Variants in GATAD1 observed in about 807,000 individuals in gnomAD.
GATAD1 encodes GATA zinc finger domain-containing protein 1.
A neutral mutation model predicts 26.5 loss-of-function variants in GATAD1; 12 were observed. The observed-to-expected ratio is 0.45, with a 90% CI of 0.29 to 0.73. The LOEUF (loss-of-function observed/expected upper bound fraction) is 0.73. Among genes scored for constraint, GATAD1 ranks in the 30% least tolerant of loss-of-function variants. The pLI is 0.10. For missense variants in GATAD1, 266 were observed against 342.1 expected (o/e 0.78, Z 1.75); for synonymous variants, 129 against 133.1 (o/e 0.97, Z 0.21).
chr7:92,481,059 G>C, the GATAD1 span, among the ~76,000 whole-genome samples: 6 of 152,280 alleles, frequency 3.9e-5, no homozygotes, highest in Non-Finnish European at 8.8e-5. Context: ...GTAGTGGAGG[G>C]GGGCAGAGCA....
At chr7:92,449,673 C>CTT (rs768149346) in intron 2 of GATAD1, 1,184 of 730,816 alleles carry the variant, frequency 1.6e-3, no homozygotes, top group Middle Eastern at 4.2e-3. Context: ...AGACTATTTT[C>CTT]TTTTTTTTTT....
At chr7:92,489,352 A>C in the GATAD1 span, 1 of 1,613,028 alleles carries the variant, frequency 6.2e-7, no homozygotes, top group East Asian at 2.2e-5. Context: ...GACCAAGTGC[A>C]GTCATTAAAT....
the GATAD1 span, among the ~76,000 whole-genome samples, chr7:92,482,747 A>G: frequency 7.2e-5 from 11 of 152,096 alleles, no homozygotes; most frequent in African/African-American, 2.4e-4. Flanking sequence ...AATTTGGTTA[A>G]AATGTCTCGG....
At position 92,454,578 on chromosome 7, in the gene GATAD1, G is replaced by A. The variant is rs540654499; in HGVS notation, c.512G>A (p.Arg171Lys). ...QDGKPYYAQI[R>K]GFIQDQYCEK... ...GGAAAGCCCTACTATGCTCAAATCA[G>A]AGGTTTTATCCAGGACCAGTATTGC... The change falls in exon 4 of 5, where the codon AGA (arginine) becomes AAA (lysine). Residue 171 changes from arginine (R) to lysine (K), a missense_variant. Transcript: ENST00000287957. 27 of 1,613,328 alleles carry A rather than the reference G, an allele frequency of 1.7e-5. No homozygotes were observed. The African/African-American group carries it at 2.7e-4, about 16-fold the overall frequency.
Position 92,458,200 on chromosome 7 carries a change from C to T in GATAD1, c.*1638C>T, listed in dbSNP as rs1789768265. 1 of 152,128 alleles carries T rather than the reference C, an allele frequency of 6.6e-6. No individual in the cohort carries two copies. The highest frequency in any genetic ancestry group is 2.1e-4 in the South Asian group (1 of 4,822). 9.4% of individuals were successfully genotyped at this position (152,128 alleles called of 1,614,324 possible). A position where few individuals can be genotyped will look rare whatever the true frequency, so the allele number is the denominator to read the frequency against. On this transcript the variant is annotated 3_prime_UTR_variant, in exon 5 of 5. Transcript: ENST00000287957. ...GTAGAAACAGGCATTCAGAACCATT[C>T]CATTGATCTTAATAAAGCTGCTCTT...
the GATAD1 span, chr7:92,494,330 C>T: frequency 1.1e-5 from 18 of 1,613,712 alleles, no homozygotes; most frequent in Non-Finnish European, 1.4e-5. Context: ...TTTATCTAGT[C>T]GACCAGGCCT....
the GATAD1 span, among the ~76,000 whole-genome samples, chr7:92,467,115 C>T: frequency 2.0e-5 from 3 of 151,992 alleles, no homozygotes; most frequent in Admixed American, 6.6e-5. Context: ...GTCAGGAGTT[C>T]GAAACCAGCC....
At chr7:92,493,980 G>C in the GATAD1 span, 5 of 277,760 alleles carry the variant, frequency 1.8e-5, no homozygotes, top group East Asian at 4.5e-4. Context: ...TTTTTTTTTT[G>C]ACAGGATAAT....
At chr7:92,453,595 T>G (rs1007406978) in intron 3 of GATAD1, among the ~76,000 whole-genome samples, 7 of 152,210 alleles carry the variant, frequency 4.6e-5, no homozygotes, top group African/African-American at 1.7e-4. Flanking sequence ...GTCTAGGAGA[T>G]GTACAGTAGG....
chr7:92,454,475 T>C (rs1433540836), intron 3 of GATAD1, 27 bp from the exon 4 acceptor site: 2 of 1,538,384 alleles, frequency 1.3e-6, no homozygotes, highest in Non-Finnish European at 9.0e-7. Flanking sequence ...TTATTTTCAA[T>C]GTGGGATTAT....
chr7:92,480,179 G>A, the GATAD1 span, among the ~76,000 whole-genome samples: 9 of 152,292 alleles, frequency 5.9e-5, no homozygotes, highest in South Asian at 2.1e-4. Context: ...AGGCTGCTCC[G>A]TTATTGGACT....
chr7:92,485,226 G>A, the GATAD1 span, among the ~76,000 whole-genome samples: 3 of 152,304 alleles, frequency 2.0e-5, no homozygotes, highest in South Asian at 2.1e-4. Context: ...GGATGTATAC[G>A]TGCAGGTCAC....
the GATAD1 span, among the ~76,000 whole-genome samples, chr7:92,483,769 A>G: frequency 2.0e-5 from 3 of 152,206 alleles, no homozygotes; most frequent in African/African-American, 7.2e-5. Context: ...CACAGAACGA[A>G]ACTGTAAGCC....
intron 4 of GATAD1, among the ~76,000 whole-genome samples, 187 bp downstream of exon 4, chr7:92,454,872 G>C (rs887915211): frequency 1.3e-5 from 2 of 152,200 alleles, no homozygotes; most frequent in South Asian, 4.1e-4. Flanking sequence ...TGGCAACACG[G>C]ATTTCTGGGG....
the GATAD1 span, chr7:92,489,727 C>T: frequency 1.2e-4 from 188 of 1,613,724 alleles, no homozygotes; most frequent in Non-Finnish European, 1.5e-4. Context: ...ACTTTGGCTC[C>T]GGTATCTGCC....
chr7:92,465,346 A>G, the GATAD1 span, among the ~76,000 whole-genome samples: 1 of 152,228 alleles, frequency 6.6e-6, no homozygotes, highest in Non-Finnish European at 1.5e-5. Flanking sequence ...GGCTGGGTGC[A>G]GTGGCTCATG....
At chr7:92,476,557 CTGTT>C in the GATAD1 span, among the ~76,000 whole-genome samples, 3 of 152,278 alleles carry the variant, frequency 2.0e-5, no homozygotes, top group East Asian at 5.8e-4. Context: ...ATAGGGCACA[CTGTT>C]TTTTACTATT....
chr7:92,475,517 G>A, the GATAD1 span, among the ~76,000 whole-genome samples: 3 of 152,134 alleles, frequency 2.0e-5, no homozygotes, highest in Non-Finnish European at 4.4e-5. Context: ...GGTCCAGGCT[G>A]CTGGATTCTA....
downstream of GATAD1, among the ~76,000 whole-genome samples, chr7:92,463,679 A>T (rs1247105598): frequency 3.5e-5 from 5 of 144,070 alleles, no homozygotes; most frequent in Non-Finnish European, 7.6e-5. Flanking sequence ...AAAAAAAAAA[A>T]GGTTGATACC....
Sources: gnomAD v4.1 joint callset for allele counts (sites outside exome capture counted in the v4.1 genomes callset) on GRCh38, gnomAD v4.1.1 for gene constraint, MANE v1.5 for transcripts, NCBI Gene and HGNC (gene_info 2026-07-23, HGNC 2026-07-21) for gene names.